Variants in SLC9A3 observed in about 807,000 individuals in gnomAD.
The protein encoded by SLC9A3 is solute carrier family 9 member A3, also known as sodium/hydrogen exchanger 3.
Under a neutral mutation model 86.8 loss-of-function variants are expected in SLC9A3, and 37 were observed. That is an observed-to-expected ratio of 0.43 (90% CI 0.33 to 0.56). The LOEUF (loss-of-function observed/expected upper bound fraction) is 0.56, where lower values mean the gene tolerates loss of function less well. Ranked by LOEUF, SLC9A3 falls within the 20% of genes least tolerant of loss-of-function variation. The pLI, the probability that SLC9A3 is intolerant of heterozygous loss-of-function variation, is 0.06. For synonymous variants in SLC9A3, 581 were observed against 528.3 expected (o/e 1.10, Z -1.37); for missense variants, 1,011 against 1,171.9 (o/e 0.86, Z 2.00).
chr5:515,644 G>GAC (rs375017390), intron 1 of SLC9A3, among the ~76,000 whole-genome samples: 2 of 149,436 alleles, frequency 1.3e-5, no homozygotes, highest in African/African-American at 2.5e-5. Flanking sequence ...CTGCTCCTCA[G>GAC]ACACACACAC....
chr5:480,044 T>G, intron 9 of SLC9A3, 79 bp from the exon 10 acceptor site: 1 of 1,522,238 alleles, frequency 6.6e-7, no homozygotes. Flanking sequence ...CGGCCCCTTC[T>G]CTCCTGAATT....
intron 1 of SLC9A3, among the ~76,000 whole-genome samples, chr5:514,435 C>A (rs1001103701): frequency 3.3e-5 from 5 of 152,258 alleles, no homozygotes; most frequent in East Asian, 1.9e-4. Context: ...CTGGCTCCCC[C>A]TTCCTGGGGC....
intron 1 of SLC9A3, among the ~76,000 whole-genome samples, chr5:504,871 C>A (rs1307914969): frequency 6.6e-6 from 1 of 152,006 alleles, no homozygotes. Flanking sequence ...GGGGCTCACA[C>A]CTCGGCTAGC....
chr5:496,413 G>A lies in SLC9A3; in HGVS notation c.212-4342C>T, dbSNP rs1740023074. 6.6e-6 allele frequency among the ~76,000 whole-genome samples: 1 copy of A among 152,250 alleles called. No individual in the cohort carries two copies. Among genetic ancestry groups the A allele is most frequent in the Non-Finnish European group, 1.5e-5 (1 of 68,038 alleles). On this transcript the variant is annotated intron_variant, in intron 1 of 16. Coordinates refer to ENST00000264938, the MANE Select transcript of SLC9A3 (RefSeq NM_004174.4). The surrounding 1 kb of genome is among the most constrained non-coding windows in gnomAD (Gnocchi z 4.7). The stretch of plus-strand genomic sequence containing the variant: ...ACCTAACAGCCTCTGACGACCTGTG[G>A]GTGACGCGTGAACGACCCCGTTCTG...
intron 1 of SLC9A3, among the ~76,000 whole-genome samples, chr5:507,410 C>T (rs1243053000): frequency 1.7e-4 from 26 of 151,300 alleles, no homozygotes; most frequent in Admixed American, 6.6e-4. Flanking sequence ...GTTGCCCAGG[C>T]GAGCACCACC....
rs143006990 is a variant in SLC9A3 at position 513,594 on chromosome 5, C to T, written c.211+10518G>A. ...TGGACAGTTGGGTGGGTCCTGGCCA[C>T]GGGGTCCCTGAGACACAGTGGATGC... On this transcript the variant is annotated intron_variant, in intron 1 of 16. Coordinates refer to ENST00000264938, the MANE Select transcript of SLC9A3 (RefSeq NM_004174.4). Among the ~76,000 whole-genome samples, 26 of 152,270 alleles carry T rather than the reference C, an allele frequency of 1.7e-4. No homozygotes were observed. In the South Asian group the frequency reaches 2.1e-3, roughly 12 times the overall value.
chr5:478,425 TCCCCTG>T (rs1738907851), intron 10 of SLC9A3: 5 of 148,938 alleles, frequency 3.4e-5, no homozygotes, highest in South Asian at 4.3e-4. Flanking sequence ...CCACACCACT[TCCCCTG>T]CCCCTGCCGA....
intron 1 of SLC9A3, among the ~76,000 whole-genome samples, chr5:501,497 C>T (rs546020061): frequency 4.6e-5 from 7 of 152,300 alleles, no homozygotes; most frequent in African/African-American, 7.2e-5. Context: ...TCCCGGGGGA[C>T]GAGGGGCCGG....
intron 1 of SLC9A3, among the ~76,000 whole-genome samples, chr5:506,887 GAAACA>G (rs10580563): frequency 0.84 from 122,080 of 145,710 alleles, 51,437 homozygotes; most frequent in Non-Finnish European, 0.9. Flanking sequence ...CCAATATGGA[GAAACA>G]AAACAAAAAA....
At chr5:505,976 A>T (rs981209396) in intron 1 of SLC9A3, among the ~76,000 whole-genome samples, 51 of 151,744 alleles carry the variant, frequency 3.4e-4, no homozygotes, top group African/African-American at 1.1e-3. Flanking sequence ...GGCTTTGAGG[A>T]GTTTGCAAAT....
chr5:476,571 T>C lies in SLC9A3; in HGVS notation c.1862A>G (p.Gln621Arg), dbSNP rs202223784. The C allele has an allele frequency of 2.9e-5, 46 of 1,611,500 alleles. No individual in the cohort carries two copies. The East Asian group carries it at 9.1e-4, about 32-fold the overall frequency. Residue 621 changes from glutamine (Q) to arginine (R), a missense_variant, in exon 12 of 17, where the codon CAG (glutamine) becomes CGG (arginine). By Grantham distance (43) the Gln-to-Arg change is conservative. Transcript: ENST00000264938. ...CTGCCGCGGCTTGTACAGGTACTGCTGTAGCGTGTGGTGCGTGACCATGTC... is the reference window on the plus strand; with the variant it reads ...CTGCCGCGGCTTGTACAGGTACTGCCGTAGCGTGTGGTGCGTGACCATGTC... Reference protein sequence around the residue: ...AEDMVTHHTLQQYLYKPRQEY... With the variant: ...AEDMVTHHTLRQYLYKPRQEY...
chr5:509,483 GAGGGAGGGAAAGAAGGAAGGA>G (rs1173923341), intron 1 of SLC9A3, among the ~76,000 whole-genome samples: 1 of 138,898 alleles, frequency 7.2e-6, no homozygotes, highest in Non-Finnish European at 1.6e-5. Context: ...AGGAGGGAGG[GAGGGAGGGAAAGAAGGAAGGA>G]AGGGAGGGAG....
intron 1 of SLC9A3, among the ~76,000 whole-genome samples, chr5:509,708 G>A (rs1170312440): frequency 6.6e-6 from 1 of 152,156 alleles, no homozygotes; most frequent in Non-Finnish European, 1.5e-5. Context: ...GAAGTTAGCT[G>A]TACCCCAAAG....
rs1560948580 is a variant in SLC9A3, at chr5:476,002, G to A, written c.2140+18C>T. 1 of 1,596,294 alleles carries A rather than the reference G, an allele frequency of 6.3e-7. No individual in the cohort carries two copies. Among genetic ancestry groups the A allele is most frequent in the South Asian group, 1.1e-5 (1 of 88,854 alleles). ...GGTGGCTCCCAGTCCCAGCGTTCCT[G>A]CAGGGCCCCCAGCGCACCTTTCTCC... On this transcript the variant is annotated intron_variant, in intron 14 of 16. Coordinates refer to ENST00000264938, the MANE Select transcript of SLC9A3 (RefSeq NM_004174.4).
intron 1 of SLC9A3, among the ~76,000 whole-genome samples, chr5:500,237 G>C (rs891908309): frequency 1.3e-5 from 2 of 152,246 alleles, no homozygotes; most frequent in African/African-American, 4.8e-5. Flanking sequence ...ACTATGCAGA[G>C]CCTGGGCTCA....
chr5:490,941 C>T (rs1298540865), intron 2 of SLC9A3, among the ~76,000 whole-genome samples: 1 of 152,202 alleles, frequency 6.6e-6, no homozygotes, highest in East Asian at 1.9e-4. Flanking sequence ...CCCGGGAGCT[C>T]CTCTTTCTCC....
Position 496,132 on chromosome 5 carries a change from C to T in SLC9A3, c.212-4061G>A, listed in dbSNP as rs1291696984. Among the ~76,000 whole-genome samples the T allele has an allele frequency of 5.3e-5, 8 of 152,248 alleles. No homozygotes were observed. Among genetic ancestry groups the T allele is most frequent in the East Asian group, 1.9e-4 (1 of 5,194 alleles). ...GTTACTGAGAAAATATACATATATA[C>T]GCACAAACGCCGCATAGGTGGGAGG... On this transcript the variant is annotated intron_variant, in intron 1 of 16. Coordinates refer to ENST00000264938, the MANE Select transcript of SLC9A3 (RefSeq NM_004174.4). The surrounding 1 kb of genome is among the most constrained non-coding windows in gnomAD (Gnocchi z 4.7).
intron 4 of SLC9A3, among the ~76,000 whole-genome samples, 163 bp from the exon 5 acceptor site, chr5:484,860 A>C (rs1198782299): frequency 6.6e-6 from 1 of 152,152 alleles, no homozygotes; most frequent in Non-Finnish European, 1.5e-5. Flanking sequence ...TTGGTTCAGC[A>C]AGTGGGGAGG....
intron 8 of SLC9A3, among the ~76,000 whole-genome samples, 179 bp downstream of exon 8, chr5:481,889 C>CG (rs1157491182): frequency 2.5e-5 from 1 of 39,304 alleles, no homozygotes; most frequent in Non-Finnish European, 5.9e-5. Context: ...AGTGCCCCCC[C>CG]CCGCCCCCCA....
Sources: gnomAD v4.1 joint callset for allele counts (sites outside exome capture counted in the v4.1 genomes callset) on GRCh38, gnomAD v4.1.1 for gene constraint, Gnocchi (gnomAD v3.1) non-coding constraint, MANE v1.5 for transcripts, NCBI Gene and HGNC (gene_info 2026-07-23, HGNC 2026-07-21) for gene names.